The following TBC1D14 variants were observed in gnomAD, a reference collection of about 807,000 sequenced individuals.
TBC1D14 encodes TBC1 domain family, member 14.
In TBC1D14, 26 loss-of-function variants were observed where a neutral mutation model predicts 79.0. That is an observed-to-expected ratio of 0.33 (90% CI 0.24 to 0.46). The LOEUF (loss-of-function observed/expected upper bound fraction) is 0.46. Among genes scored for constraint, TBC1D14 ranks in the 20% least tolerant of loss-of-function variants. TBC1D14 has a pLI of 1.00. For missense variants in TBC1D14, 769 were observed against 887.6 expected, an observed-to-expected ratio of 0.87 and a Z score of 1.70; for synonymous variants, 394 against 349.9, an observed-to-expected ratio of 1.13 and a Z score of -1.40.
chr4:6,941,876 C>G (rs1577065096), intron 2 of TBC1D14, among the ~76,000 whole-genome samples: 2 of 152,272 alleles, frequency 1.3e-5, no homozygotes, highest in South Asian at 2.1e-4. Context: ...GTGTTTAGGT[C>G]CTTTGCCAGC....
intron 12 of TBC1D14, among the ~76,000 whole-genome samples, chr4:7,016,645 C>G (rs1218270167): frequency 6.6e-6 from 1 of 152,242 alleles, no homozygotes; most frequent in Admixed American, 6.5e-5. Context: ...AGAAACTTAA[C>G]ACGTACGTAT....
At chr4:6,953,732 G>A (rs1320563907) in intron 2 of TBC1D14, among the ~76,000 whole-genome samples, 1 of 151,858 alleles carries the variant, frequency 6.6e-6, no homozygotes, top group Non-Finnish European at 1.5e-5. Flanking sequence ...TTTGAAGTGA[G>A]TGAGGGGGAA....
intron 2 of TBC1D14, among the ~76,000 whole-genome samples, chr4:6,925,186 GGGA>G (rs1724190105): frequency 6.6e-6 from 1 of 152,144 alleles, no homozygotes; most frequent in African/African-American, 2.4e-5. Flanking sequence ...CCAGCTACTT[GGGA>G]GGAGGAGGCA....
At chr4:6,949,540 G>A (rs754709611) in intron 2 of TBC1D14, among the ~76,000 whole-genome samples, 8 of 152,106 alleles carry the variant, frequency 5.3e-5, no homozygotes, top group South Asian at 2.1e-4. Context: ...GAAATTAGCC[G>A]GGTGTAGTAG....
intron 1 of TBC1D14, among the ~76,000 whole-genome samples, chr4:6,919,035 T>C (rs1723620740): frequency 6.6e-6 from 1 of 152,186 alleles, no homozygotes; most frequent in Non-Finnish European, 1.5e-5. Context: ...TGTGAAACAC[T>C]GAAAACGTGT....
chr4:6,946,142 A>T (rs1713430184), intron 2 of TBC1D14, among the ~76,000 whole-genome samples: 1 of 152,128 alleles, frequency 6.6e-6, no homozygotes, highest in African/African-American at 2.4e-5. Flanking sequence ...GAGGATGGGT[A>T]CCTACATTTC....
chr4:6,939,589 C>T (rs944627128), intron 2 of TBC1D14, among the ~76,000 whole-genome samples: 8 of 152,120 alleles, frequency 5.3e-5, no homozygotes, highest in Admixed American at 2.0e-4. Context: ...AGCATACCTG[C>T]GTCAGTCTTG....
chr4:6,955,197 AG>A (rs1404625642), intron 2 of TBC1D14, among the ~76,000 whole-genome samples: 1 of 152,218 alleles, frequency 6.6e-6, no homozygotes, highest in Non-Finnish European at 1.5e-5. Flanking sequence ...GGAGAGTCAG[AG>A]GCCCCTATGA....
At chr4:6,970,903 G>A (rs567796312) in intron 3 of TBC1D14, among the ~76,000 whole-genome samples, 1 of 138,554 alleles carries the variant, frequency 7.2e-6, no homozygotes, top group East Asian at 2.2e-4. Flanking sequence ...CAAGGAGCCC[G>A]TGGTTGAGCT....
chr4:7,002,733 A>T (rs1560334252), intron 7 of TBC1D14, among the ~76,000 whole-genome samples: 2 of 152,188 alleles, frequency 1.3e-5, no homozygotes, highest in Non-Finnish European at 2.9e-5. Context: ...CTGCTGTGTG[A>T]ATGAATGCTG....
At chr4:6,994,092 A>G in intron 3 of TBC1D14, 92 bp from the exon 4 acceptor site, 2 of 1,160,644 alleles carry the variant, frequency 1.7e-6, no homozygotes, top group Non-Finnish European at 2.6e-6. Context: ...ATTGGCTTAA[A>G]AGAGTTTCAT....
intron 3 of TBC1D14, among the ~76,000 whole-genome samples, chr4:6,991,717 C>T (rs969973613): frequency 1.3e-5 from 2 of 151,958 alleles, no homozygotes; most frequent in Non-Finnish European, 2.9e-5. Context: ...GGAGTTAACC[C>T]AGCATGGTCT....
At chr4:6,940,113 G>T (rs1712761936) in intron 2 of TBC1D14, among the ~76,000 whole-genome samples, 1 of 152,168 alleles carries the variant, frequency 6.6e-6, no homozygotes, top group African/African-American at 2.4e-5. Context: ...CTGCCGTCCA[G>T]TGTGTTAGCC....
At chr4:6,949,678 G>A (rs1385879440) in intron 2 of TBC1D14, among the ~76,000 whole-genome samples, 5 of 36,864 alleles carry the variant, frequency 1.4e-4, no homozygotes, top group South Asian at 1.4e-3. Flanking sequence ...GCAAGACTCC[G>A]TCTCAAAAAA....
chr4:6,971,458 G>C (rs994813388), intron 3 of TBC1D14, among the ~76,000 whole-genome samples: 4 of 152,126 alleles, frequency 2.6e-5, no homozygotes, highest in African/African-American at 7.2e-5. Flanking sequence ...CATTCTTTTG[G>C]CTTGGGCCTT....
intron 2 of TBC1D14, among the ~76,000 whole-genome samples, chr4:6,946,477 G>A (rs147201708): frequency 8.5e-5 from 13 of 152,108 alleles, no homozygotes; most frequent in African/African-American, 2.4e-4. Flanking sequence ...GTGCCACCAG[G>A]CCCAGCTAAT....
chr4:6,977,657 A>G (rs1206247614), intron 3 of TBC1D14, among the ~76,000 whole-genome samples: 16 of 128,840 alleles, frequency 1.2e-4, no homozygotes, highest in Non-Finnish European at 2.2e-4. Context: ...CCCGGCCGCC[A>G]TCCCATCTAG....
intron 3 of TBC1D14, chr4:6,987,295 C>G: frequency 2.2e-6 from 3 of 1,359,586 alleles, no homozygotes; most frequent in Non-Finnish European, 2.9e-6. Flanking sequence ...GCCGGCCCTC[C>G]GCTCGCTGGG....
rs1720332799 is a variant in TBC1D14 at position 7,007,596 on chromosome 4, A to G, written c.1446+870A>G. The G allele has an allele frequency of 2.3e-6, 3 of 1,289,192 alleles. No homozygotes were observed. In the African/African-American group the frequency reaches 4.6e-5, roughly 20 times the overall value. The allele number at this position is 1,289,192 out of a possible 1,614,324, so 79.9% of individuals were successfully genotyped here. A position where few individuals can be genotyped will look rare whatever the true frequency, so the allele number is the denominator to read the frequency against. On this transcript the variant is annotated intron_variant, in intron 9 of 13. Coordinates refer to ENST00000409757, the MANE Select transcript of TBC1D14 (RefSeq NM_020773.3). ...GAAGAGGAAAGAGAGGGAATCTACA[A>G]AGCTCCAGCAGCTTTGGTCCTGGTG...
Sources: gnomAD v4.1 joint callset for allele counts (sites outside exome capture counted in the v4.1 genomes callset) on GRCh38, gnomAD v4.1.1 for gene constraint, MANE v1.5 for transcripts, NCBI Gene and HGNC (gene_info 2026-07-23, HGNC 2026-07-21) for gene names.